SFMBT1: variants seen among roughly 807,000 people sequenced by gnomAD.
The protein encoded by SFMBT1 is Scm like with four mbt domains 1, also known as scm-like with four MBT domains protein 1.
A neutral mutation model predicts 108.7 loss-of-function variants in SFMBT1; 32 were observed. The ratio of observed to expected loss-of-function variants is 0.29; its 90% CI spans 0.22 to 0.40. The LOEUF is 0.40. Ranked by LOEUF, SFMBT1 falls within the 10% of genes least tolerant of loss-of-function variation. SFMBT1 has a pLI of 1.00. For missense variants in SFMBT1, 816 were observed against 1,059.6 expected (o/e 0.77, Z 3.19); for synonymous variants, 348 against 369.5 (o/e 0.94, Z 0.67).
chr3:52,913,037 C>G (rs1401235041), intron 15 of SFMBT1, among the ~76,000 whole-genome samples: 2 of 152,182 alleles, frequency 1.3e-5, no homozygotes, highest in Admixed American at 6.5e-5. Flanking sequence ...TCTGGCTTCC[C>G]CAGATCCTGA....
At chr3:53,012,481 C>T (rs528525324) in intron 1 of SFMBT1, among the ~76,000 whole-genome samples, 1 of 152,132 alleles carries the variant, frequency 6.6e-6, no homozygotes, top group East Asian at 1.9e-4. Context: ...CAGCTCACTG[C>T]AAGCTCCGCC....
At chr3:52,948,825 A>T (rs57815411) in intron 3 of SFMBT1, among the ~76,000 whole-genome samples, 220 of 78,298 alleles carry the variant, frequency 2.8e-3, no homozygotes, top group African/African-American at 5.6e-3. Context: ...CTAATTTTTA[A>T]TTTTTTTTTT....
intron 1 of SFMBT1, among the ~76,000 whole-genome samples, chr3:52,987,518 T>C (rs1020450522): frequency 3.9e-5 from 6 of 152,186 alleles, no homozygotes; most frequent in African/African-American, 1.4e-4. Flanking sequence ...AACACCATCA[T>C]GCCATGCATG....
chr3:52,942,441 T>A (rs1457919184), intron 4 of SFMBT1, among the ~76,000 whole-genome samples: 1 of 152,212 alleles, frequency 6.6e-6, no homozygotes, highest in African/African-American at 2.4e-5. Context: ...ATTTTCCATA[T>A]GATTCTCATA....
At chr3:52,959,571 G>C (rs1703892924) in intron 2 of SFMBT1, among the ~76,000 whole-genome samples, 1 of 152,084 alleles carries the variant, frequency 6.6e-6, no homozygotes, top group Non-Finnish European at 1.5e-5. Flanking sequence ...TCAACTCAAA[G>C]AATCATCTCC....
At chr3:52,917,849 C>T (rs1702408385) in intron 13 of SFMBT1, among the ~76,000 whole-genome samples, 1 of 152,150 alleles carries the variant, frequency 6.6e-6, no homozygotes, top group African/African-American at 2.4e-5. Context: ...TTCCACGAAA[C>T]CGGTCCCTGG....
At chr3:53,020,820 G>A (rs1699280361) in intron 1 of SFMBT1, among the ~76,000 whole-genome samples, 1 of 152,208 alleles carries the variant, frequency 6.6e-6, no homozygotes, top group African/African-American at 2.4e-5. Flanking sequence ...ACTTTGGGAG[G>A]CTTAGGCGGG....
intron 1 of SFMBT1, among the ~76,000 whole-genome samples, chr3:53,037,385 G>A (rs1699901094): frequency 1.3e-5 from 2 of 152,214 alleles, no homozygotes; most frequent in Admixed American, 1.3e-4. Context: ...ACTGGGTACA[G>A]ATAATGCCTA....
chr3:52,956,550 G>C (rs987600385), intron 2 of SFMBT1, among the ~76,000 whole-genome samples: 2 of 151,984 alleles, frequency 1.3e-5, no homozygotes, highest in African/African-American at 4.8e-5. Context: ...GACAAGGTCA[G>C]GAGTTTGAGA....
At chr3:52,905,315 C>T (rs1386983921) in intron 20 of SFMBT1, 39 bp from the exon 21 acceptor site, 1 of 1,592,416 alleles carries the variant, frequency 6.3e-7, no homozygotes. Flanking sequence ...GTGATGTGCA[C>T]ATGAAAGGCA....
chr3:52,970,696 CA>C (rs1704310106), intron 1 of SFMBT1, among the ~76,000 whole-genome samples: 1 of 151,262 alleles, frequency 6.6e-6, no homozygotes, highest in Non-Finnish European at 1.5e-5. Flanking sequence ...CTATACTTCT[CA>C]AAAGTTTTGA....
At chr3:52,999,049 G>A (rs934987271) in intron 1 of SFMBT1, among the ~76,000 whole-genome samples, 5 of 150,892 alleles carry the variant, frequency 3.3e-5, no homozygotes, top group East Asian at 1.9e-4. Flanking sequence ...TCATCCATGC[G>A]TAAGCCGGGG....
intron 2 of SFMBT1, among the ~76,000 whole-genome samples, chr3:52,961,863 C>A (rs1703969577): frequency 6.6e-6 from 1 of 152,038 alleles, no homozygotes; most frequent in Non-Finnish European, 1.5e-5. Flanking sequence ...CCTTAAATAG[C>A]ATGTTAATTT....
chr3:53,024,669 T>C (rs1033983894), intron 1 of SFMBT1, among the ~76,000 whole-genome samples: 1 of 152,190 alleles, frequency 6.6e-6, no homozygotes, highest in Non-Finnish European at 1.5e-5. Context: ...CTGGGACCAA[T>C]GTGCTAGCAC....
intron 4 of SFMBT1, among the ~76,000 whole-genome samples, chr3:52,941,468 C>T (rs978661052): frequency 2.6e-5 from 4 of 151,706 alleles, no homozygotes; most frequent in Non-Finnish European, 5.9e-5. Flanking sequence ...GTGGCGGGTG[C>T]CTGTAATCCC....
intron 1 of SFMBT1, among the ~76,000 whole-genome samples, chr3:53,030,188 T>C (rs547960047): frequency 5.3e-5 from 8 of 152,312 alleles, no homozygotes; most frequent in African/African-American, 1.7e-4. Context: ...GATCTATGTG[T>C]ACTTGGATAT....
chr3:52,948,825 A>ATTTTTTTTTTTTTTTTTTT lies in SFMBT1; in HGVS notation c.124-5251_124-5233dup, dbSNP rs71615878. ...CTCCACCATGCCTGGCTAATTTTTAATTTTTTTTTTTTTTTTTTTTTGTAG... is the reference window on the plus strand; with the variant it reads ...CTCCACCATGCCTGGCTAATTTTTAATTTTTTTTTTTTTTTTTTTTTTTTTTTTTTTTTTTTTTTTGTAG... On this transcript the variant is annotated intron_variant, in intron 3 of 20. Transcript: ENST00000394752. Among the ~76,000 whole-genome samples, 81 of 78,302 alleles carry ATTTTTTTTTTTTTTTTTTT rather than the reference A, an allele frequency of 1.0e-3. 11 individuals are homozygous for ATTTTTTTTTTTTTTTTTTT. Among genetic ancestry groups the ATTTTTTTTTTTTTTTTTTT allele is most frequent in the South Asian group, 2.6e-3 (4 of 1,548 alleles). The allele number at this position is 78,302 out of a possible 152,430, so 51.4% of individuals were successfully genotyped here. A position where few individuals can be genotyped will look rare whatever the true frequency, so the allele number is the denominator to read the frequency against.
At chr3:52,958,291 T>C (rs1703846443) in intron 2 of SFMBT1, among the ~76,000 whole-genome samples, 1 of 152,220 alleles carries the variant, frequency 6.6e-6, no homozygotes, top group Non-Finnish European at 1.5e-5. Flanking sequence ...ATGATGATTA[T>C]TAAAAAGCCA....
intron 5 of SFMBT1, among the ~76,000 whole-genome samples, chr3:52,933,312 A>C (rs1180985269): frequency 1.6e-4 from 24 of 152,204 alleles, no homozygotes; most frequent in Non-Finnish European, 1.5e-5. Context: ...TTGATGTCAC[A>C]ACAATGTTCA....
Sources: gnomAD v4.1 joint callset for allele counts (sites outside exome capture counted in the v4.1 genomes callset) on GRCh38, gnomAD v4.1.1 for gene constraint, MANE v1.5 for transcripts, NCBI Gene and HGNC (gene_info 2026-07-23, HGNC 2026-07-21) for gene names.